Variants in GPATCH1 observed in about 807,000 individuals in gnomAD.
The protein encoded by GPATCH1 is G-patch domain containing 1.
GPATCH1 carries 73 observed loss-of-function variants against 114.9 expected under a neutral mutation model. The ratio of observed to expected loss-of-function variants is 0.64; its 90% CI spans 0.53 to 0.77. The LOEUF is 0.77. Among genes scored for constraint, GPATCH1 ranks in the 30% least tolerant of loss-of-function variants. The pLI, the probability that GPATCH1 is intolerant of heterozygous loss-of-function variation, is 0.00. For synonymous variants in GPATCH1, 391 were observed against 428.4 expected, an observed-to-expected ratio of 0.91 and a Z score of 1.08; for missense variants, 1,058 against 1,144.3, an observed-to-expected ratio of 0.92 and a Z score of 1.09.
chr19:33,116,510 G>T (rs555627430), intron 15 of GPATCH1, among the ~76,000 whole-genome samples: 1 of 152,224 alleles, frequency 6.6e-6, no homozygotes, highest in South Asian at 2.1e-4. Context: ...AGAATTCTGG[G>T]TTGATAATTT....
Position 33,112,481 on chromosome 19 carries a change from T to G in GPATCH1, c.1765-5T>G. Reference sequence around the variant, plus strand: ...TGATGGAACAGAATGCATGTCTTTTTCCAGAATGATGTCGGGGATAAGCAG... The same window carrying G: ...TGATGGAACAGAATGCATGTCTTTTGCCAGAATGATGTCGGGGATAAGCAG... On this transcript the variant is annotated splice_region_variant and splice_polypyrimidine_tract_variant and intron_variant, in intron 12 of 19. Coordinates refer to ENST00000170564, the MANE Select transcript of GPATCH1 (RefSeq NM_018025.3). 1 of 1,614,006 alleles carries G rather than the reference T, an allele frequency of 6.2e-7. No homozygotes were observed. Among genetic ancestry groups the G allele is most frequent in the Middle Eastern group, 1.7e-4 (1 of 6,058 alleles).
In GPATCH1 at chr19:33,109,958, T is replaced by C. The variant is rs1013261782; in HGVS notation, c.1527T>C (p.Asp509=). 6.2e-7 allele frequency: 1 copy of C among 1,613,968 alleles called. No individual in the cohort carries two copies. Among genetic ancestry groups the C allele is most frequent in the Non-Finnish European group, 8.5e-7 (1 of 1,179,976 alleles). ...KASNFKPFAK[D]PEKQKRYDEF... ...GCAACTTCAAGCCTTTCGCCAAAGA[T>C]CCGGAAAAGCAAAAGCGATACGACG... is the stretch of plus-strand genomic sequence containing the variant. Residue 509 remains aspartate, a synonymous_variant, in exon 11 of 20, where the codon GAT becomes GAC. Transcript: ENST00000170564.
intron 9 of GPATCH1, 135 bp from the exon 10 acceptor site, chr19:33,106,560 T>G (rs1195561745): frequency 3.1e-5 from 21 of 684,546 alleles, no homozygotes; most frequent in Non-Finnish European, 4.6e-5. Context: ...CAGCCTGTTC[T>G]TGTGCTACCT....
intron 17 of GPATCH1, among the ~76,000 whole-genome samples, chr19:33,121,031 G>T (rs891133867): frequency 5.3e-5 from 8 of 151,400 alleles, no homozygotes; most frequent in Non-Finnish European, 1.0e-4. Flanking sequence ...AATTAAAAAA[G>T]AAAAAGAGAA....
intron 18 of GPATCH1, among the ~76,000 whole-genome samples, chr19:33,126,383 C>T (rs975276256): frequency 6.6e-6 from 1 of 152,184 alleles, no homozygotes; most frequent in Admixed American, 6.6e-5. Context: ...GCTGGAGGCG[C>T]AGCTGGGTCA....
At chr19:33,096,734 T>G (rs1218030133) in intron 7 of GPATCH1, among the ~76,000 whole-genome samples, 1 of 151,988 alleles carries the variant, frequency 6.6e-6, no homozygotes, top group Non-Finnish European at 1.5e-5. Context: ...GTTCAAGTGA[T>G]TCTCCTGCCT....
intron 8 of GPATCH1, 48 bp from the exon 9 acceptor site, chr19:33,101,447 T>C (rs1381171791): frequency 1.9e-6 from 2 of 1,033,746 alleles, no homozygotes; most frequent in East Asian, 2.4e-5. Context: ...TTCTGTCTTA[T>C]TCTAATCATC....
chr19:33,101,298 G>A (rs764217295), intron 8 of GPATCH1, among the ~76,000 whole-genome samples, 197 bp from the exon 9 acceptor site: 11 of 152,164 alleles, frequency 7.2e-5, no homozygotes, highest in South Asian at 2.1e-4. Flanking sequence ...GGTGTGGGCC[G>A]GGCCTTAGTC....
intron 1 of GPATCH1, among the ~76,000 whole-genome samples, chr19:33,083,201 G>A (rs1165349239): frequency 7.5e-6 from 1 of 133,688 alleles, no homozygotes; most frequent in African/African-American, 2.9e-5. Context: ...CCAAGATGGC[G>A]CCACTGCACT....
At chr19:33,116,137 A>C (rs1972913916) in intron 15 of GPATCH1, among the ~76,000 whole-genome samples, 1 of 152,094 alleles carries the variant, frequency 6.6e-6, no homozygotes, top group Non-Finnish European at 1.5e-5. Flanking sequence ...AGAATAGAGA[A>C]GCTTTAGCAC....
rs367677391 is a variant in GPATCH1, at chr19:33,093,485, G to A, written c.421G>A (p.Ala141Thr). Residue 141 changes from alanine (A) to threonine (T), a missense_variant, in exon 4 of 20, where the codon GCC (alanine) becomes ACC (threonine). Transcript: ENST00000170564. Reference protein sequence around the residue: ...LAAATAPIPGATLLDDLITPA... With the variant: ...LAAATAPIPGTTLLDDLITPA... ...CGCTGCTACTGCCCCTATTCCTGGA[G>A]CCACCCTCCTTGATGACCTCATAAC... The A allele has an allele frequency of 6.2e-6, 10 of 1,613,802 alleles. No homozygotes were observed. Among genetic ancestry groups the A allele is most frequent in the African/African-American group, 4.0e-5 (3 of 74,896 alleles).
chr19:33,111,999 T>A, intron 12 of GPATCH1, 97 bp downstream of exon 12: 1 of 910,014 alleles, frequency 1.1e-6, no homozygotes, highest in Non-Finnish European at 1.7e-6. Flanking sequence ...GGAGTCTCTC[T>A]CTGTCGCCCA....
intron 10 of GPATCH1, among the ~76,000 whole-genome samples, chr19:33,108,780 G>A (rs1293037292): frequency 3.9e-5 from 6 of 152,308 alleles, no homozygotes; most frequent in Non-Finnish European, 7.3e-5. Flanking sequence ...CCATTGGTGA[G>A]GGCTTGCTGG....
chr19:33,109,477 C>T (rs1381873493), intron 10 of GPATCH1, among the ~76,000 whole-genome samples: 3 of 152,254 alleles, frequency 2.0e-5, no homozygotes, highest in South Asian at 2.1e-4. Context: ...GGTACCATTG[C>T]ACTCCAGGCT....
intron 13 of GPATCH1, 177 bp downstream of exon 13, chr19:33,112,790 G>T (rs1460460324): frequency 2.2e-5 from 11 of 494,014 alleles, no homozygotes; most frequent in Non-Finnish European, 3.1e-5. Flanking sequence ...TCTATAATTT[G>T]TTACTAAAAC....
chr19:33,118,365 G>T (rs886224756), intron 16 of GPATCH1, among the ~76,000 whole-genome samples: 3 of 151,624 alleles, frequency 2.0e-5, no homozygotes, highest in African/African-American at 7.3e-5. Flanking sequence ...TTTTAGTAGA[G>T]ATGGGGTTTC....
At chr19:33,099,127 T>C (rs1972696390) in intron 8 of GPATCH1, among the ~76,000 whole-genome samples, 1 of 148,658 alleles carries the variant, frequency 6.7e-6, no homozygotes, top group African/African-American at 2.4e-5. Context: ...TTATATTTTA[T>C]ATAATTAATA....
At chr19:33,112,085 C>A (rs141339048) in intron 12 of GPATCH1, among the ~76,000 whole-genome samples, 183 bp downstream of exon 12, 4 of 152,158 alleles carry the variant, frequency 2.6e-5, no homozygotes, top group Admixed American at 6.6e-5. Context: ...CCTGCCTCAG[C>A]CTTCCAAGTA....
chr19:33,095,258 T>G (rs12983240), intron 5 of GPATCH1, among the ~76,000 whole-genome samples: 1 of 113,490 alleles, frequency 8.8e-6, no homozygotes, highest in East Asian at 4.6e-4. Flanking sequence ...ATCAGTGAGG[T>G]TTTTTTTTTT....
Sources: allele counts gnomAD v4.1 joint callset (sites outside exome capture counted in the v4.1 genomes callset), GRCh38; gene constraint gnomAD v4.1.1; transcripts MANE v1.5; gene names NCBI Gene and HGNC (gene_info 2026-07-23, HGNC 2026-07-21).